The following CEP128 variants were observed in gnomAD, a reference collection of about 807,000 sequenced individuals.
CEP128 encodes the protein centrosomal protein 128.
In CEP128, 132 loss-of-function variants were observed where a neutral mutation model predicts 156.7. The observed-to-expected ratio is 0.84, with a 90% CI of 0.73 to 0.97. The LOEUF is 0.97. Among genes scored for constraint, CEP128 ranks in the 50% least tolerant of loss-of-function variants. CEP128 has a pLI of 0.00. For synonymous variants in CEP128, 469 were observed against 448.9 expected (o/e 1.04, Z -0.57); for missense variants, 1,252 against 1,281.9 (o/e 0.98, Z 0.36).
chr14:80,568,700 A>G (rs2140404274), intron 20 of CEP128, among the ~76,000 whole-genome samples: 2 of 152,300 alleles, frequency 1.3e-5, no homozygotes, highest in South Asian at 4.1e-4. Context: ...TTCCCAACAC[A>G]CACGCGCAGG....
chr14:80,828,978 A>G (rs1885635864), intron 13 of CEP128, among the ~76,000 whole-genome samples: 1 of 152,236 alleles, frequency 6.6e-6, no homozygotes, highest in Non-Finnish European at 1.5e-5. Flanking sequence ...CTAAATTTCA[A>G]GAAAATTCTC....
intron 3 of CEP128, among the ~76,000 whole-genome samples, 154 bp downstream of exon 3, chr14:80,916,247 T>C (rs1332289217): frequency 1.3e-5 from 2 of 152,226 alleles, no homozygotes; most frequent in South Asian, 2.1e-4. Flanking sequence ...TGACTTCTGA[T>C]GTACAAGACC....
intron 19 of CEP128, among the ~76,000 whole-genome samples, chr14:80,597,345 G>A (rs1369252729): frequency 1.3e-5 from 2 of 151,940 alleles, no homozygotes; most frequent in African/African-American, 4.8e-5. Flanking sequence ...TAGAAGATAT[G>A]GAACACAAAG....
intron 19 of CEP128, among the ~76,000 whole-genome samples, chr14:80,610,278 A>G (rs1892944348): frequency 6.6e-6 from 1 of 152,174 alleles, no homozygotes; most frequent in African/African-American, 2.4e-5. Context: ...GTTTGAGTAT[A>G]TATCTAGGAA....
chr14:80,952,468 A>G (rs571083225), intron 2 of CEP128, among the ~76,000 whole-genome samples: 1 of 152,154 alleles, frequency 6.6e-6, no homozygotes, highest in Non-Finnish European at 1.5e-5. Flanking sequence ...AAATGAAATT[A>G]CAAGATATCG....
At chr14:80,843,101 T>G (rs1029426098) in intron 9 of CEP128, among the ~76,000 whole-genome samples, 20 of 152,006 alleles carry the variant, frequency 1.3e-4, no homozygotes, top group Admixed American at 1.2e-3. Flanking sequence ...AGAAAAATGT[T>G]TGTAGACCTC....
intron 21 of CEP128, among the ~76,000 whole-genome samples, chr14:80,544,717 C>G (rs1436509581): frequency 6.6e-6 from 1 of 152,156 alleles, no homozygotes; most frequent in Non-Finnish European, 1.5e-5. Flanking sequence ...GTGATTCCAT[C>G]ATTCCTCTAT....
intron 19 of CEP128, among the ~76,000 whole-genome samples, chr14:80,601,445 A>C: frequency 6.6e-6 from 1 of 152,200 alleles, no homozygotes; most frequent in East Asian, 1.9e-4. Flanking sequence ...AAACAAAACA[A>C]AAATCACAAA....
chr14:80,527,955 A>G lies in CEP128; in HGVS notation c.2959-973T>C, dbSNP rs141281500. Among the ~76,000 whole-genome samples the G allele has an allele frequency of 8.4e-3, 1,282 of 152,250 alleles. 3 individuals are homozygous for G. Among genetic ancestry groups the G allele is most frequent in the Non-Finnish European group, 0.014 (938 of 68,022 alleles). Reference sequence around the variant, plus strand: ...TATAGACAATTATTTAGACATTTCTATTATTATTTAGGGAGAAATTAGAAA... The same window carrying G: ...TATAGACAATTATTTAGACATTTCTGTTATTATTTAGGGAGAAATTAGAAA... On this transcript the variant is annotated intron_variant, in intron 22 of 24. Coordinates refer to ENST00000555265, the MANE Select transcript of CEP128 (RefSeq NM_152446.5).
chr14:80,618,212 C>T (rs1388470994), intron 19 of CEP128, among the ~76,000 whole-genome samples: 1 of 152,034 alleles, frequency 6.6e-6, no homozygotes, highest in Non-Finnish European at 1.5e-5. Flanking sequence ...AATTTTATTC[C>T]ATATCATTTT....
At chr14:80,780,813 G>A (rs1019814789) in intron 15 of CEP128, among the ~76,000 whole-genome samples, 9 of 152,152 alleles carry the variant, frequency 5.9e-5, no homozygotes, top group African/African-American at 1.9e-4. Context: ...CTGTATGTCT[G>A]GAACATTATG....
intron 19 of CEP128, among the ~76,000 whole-genome samples, chr14:80,691,002 T>C (rs140358593): frequency 6.6e-6 from 1 of 152,270 alleles, no homozygotes; most frequent in Non-Finnish European, 1.5e-5. Flanking sequence ...TTCCTATTCC[T>C]CCATCACAAC....
At chr14:80,810,487 G>T (rs1251162319) in intron 13 of CEP128, among the ~76,000 whole-genome samples, 1 of 151,950 alleles carries the variant, frequency 6.6e-6, no homozygotes, top group Non-Finnish European at 1.5e-5. Context: ...TTAAAAATGT[G>T]ACCTAACTAT....
At chr14:80,588,156 T>G (rs1473958075) in intron 19 of CEP128, among the ~76,000 whole-genome samples, 1 of 152,146 alleles carries the variant, frequency 6.6e-6, no homozygotes, top group Non-Finnish European at 1.5e-5. Flanking sequence ...ATTTGAAATT[T>G]TTAGTGAATT....
intron 17 of CEP128, among the ~76,000 whole-genome samples, chr14:80,759,091 G>A (rs1899824976): frequency 6.6e-6 from 1 of 152,260 alleles, no homozygotes; most frequent in African/African-American, 2.4e-5. Context: ...ATCAAAAACT[G>A]GCCTGTGAGA....
chr14:80,943,993 C>CA (rs36074282), upstream of CEP128, among the ~76,000 whole-genome samples: 2,164 of 101,104 alleles, frequency 0.021, 31 homozygotes, highest in East Asian at 0.045. Flanking sequence ...GACTCCATCT[C>CA]AAAAAAAAAA....
chr14:80,513,990 C>T (rs1308162016), intron 23 of CEP128, among the ~76,000 whole-genome samples: 3 of 152,156 alleles, frequency 2.0e-5, no homozygotes, highest in African/African-American at 7.2e-5. Flanking sequence ...AAATACTTGT[C>T]ATCTATTGTC....
chr14:80,540,154 C>T (rs1045250359), intron 21 of CEP128, among the ~76,000 whole-genome samples: 10 of 151,534 alleles, frequency 6.6e-5, no homozygotes, highest in Middle Eastern at 3.4e-3. Context: ...CTGCTTTTTG[C>T]CCTTTGAAGC....
chr14:80,768,865 C>T (rs907584155), intron 16 of CEP128, among the ~76,000 whole-genome samples: 12 of 152,090 alleles, frequency 7.9e-5, no homozygotes, highest in Non-Finnish European at 2.9e-5. Context: ...AATACAAAGA[C>T]GATGAACAGC....
Sources: gnomAD v4.1 joint callset for allele counts (sites outside exome capture counted in the v4.1 genomes callset) on GRCh38, gnomAD v4.1.1 for gene constraint, MANE v1.5 for transcripts, NCBI Gene and HGNC (gene_info 2026-07-23, HGNC 2026-07-21) for gene names.